Variants in TEX9 observed in about 807,000 individuals in gnomAD.
TEX9 encodes the protein testis-expressed protein 9.
TEX9 carries 74 observed loss-of-function variants against 59.6 expected under a neutral mutation model. The ratio of observed to expected loss-of-function variants is 1.24; its 90% CI spans 1.03 to 1.51. The LOEUF is 1.51. Ranked by LOEUF, TEX9 falls within the 40% of genes most tolerant of loss-of-function variation. TEX9 has a pLI of 0.00. For synonymous variants in TEX9, 186 were observed against 152.2 expected, an observed-to-expected ratio of 1.22 and a Z score of -1.64; for missense variants, 522 against 447.8, an observed-to-expected ratio of 1.17 and a Z score of -1.49.
chr15:56,297,697 G>A (rs2045249578), intron 1 of TEX9, among the ~76,000 whole-genome samples: 1 of 152,132 alleles, frequency 6.6e-6, no homozygotes, highest in Non-Finnish European at 1.5e-5. Context: ...TGGAGACAGA[G>A]TTTTACCATG....
chr15:56,394,215 T>C (rs565639097), exon 8 of TEX9: 1 of 1,608,772 alleles, frequency 6.2e-7, no homozygotes, highest in South Asian at 1.1e-5. Flanking sequence ...GCAGGAGGAA[T>C]TGGATAATGT....
chr15:56,431,502 G>C (rs2050595204), intron 12 of TEX9: 1 of 1,613,300 alleles, frequency 6.2e-7, no homozygotes, highest in Non-Finnish European at 8.5e-7. Context: ...CACGTTGCTG[G>C]AAATGCAGAT....
At chr15:56,340,472 G>A (rs1225447886) in intron 1 of TEX9, among the ~76,000 whole-genome samples, 2 of 151,988 alleles carry the variant, frequency 1.3e-5, no homozygotes, top group East Asian at 3.9e-4. Context: ...TTAGTTAACT[G>A]TTGAATTTTC....
Position 56,432,645 on chromosome 15 carries a change from T to C in TEX9, c.*29+4172T>C, listed in dbSNP as rs1346079352. Among the ~76,000 whole-genome samples, 3 of 152,326 alleles carry C rather than the reference T, an allele frequency of 2.0e-5. 1 individual carries two copies. In the East Asian group the frequency reaches 5.8e-4, roughly 29 times the overall value. ...AGTATCTATGCATTAGGTGGCTTTATCTGATTTCCATTTAGTTTTTAGTCT... is the reference window on the plus strand; with the variant it reads ...AGTATCTATGCATTAGGTGGCTTTACCTGATTTCCATTTAGTTTTTAGTCT... On this transcript the variant is annotated intron_variant, in intron 12 of 12. Transcript: ENST00000352903.
chr15:56,336,343 T>G (rs1157547356), intron 1 of TEX9, among the ~76,000 whole-genome samples: 2 of 152,082 alleles, frequency 1.3e-5, no homozygotes, highest in African/African-American at 4.8e-5. Context: ...GTCACAAGGG[T>G]GGTCCCTGCA....
At chr15:56,449,516 A>G (rs1351899525), downstream of TEX9, among the ~76,000 whole-genome samples, 1 of 152,180 alleles carries the variant, frequency 6.6e-6, no homozygotes, top group Non-Finnish European at 1.5e-5. Context: ...AATATTTCAG[A>G]TTACAGGAGC....
At chr15:56,345,087 A>G (rs1293109254) in intron 1 of TEX9, among the ~76,000 whole-genome samples, 2 of 138,956 alleles carry the variant, frequency 1.4e-5, no homozygotes, top group Non-Finnish European at 3.2e-5. Flanking sequence ...GTATATATAT[A>G]TATGTATATA....
chr15:56,294,491 C>G (rs188705790), intron 1 of TEX9, among the ~76,000 whole-genome samples: 1 of 152,290 alleles, frequency 6.6e-6, no homozygotes, highest in Non-Finnish European at 1.5e-5. Context: ...ATTTACATCT[C>G]CTGTACTGTT....
chr15:56,413,460 G>T (rs555533897), intron 10 of TEX9, among the ~76,000 whole-genome samples: 66 of 151,130 alleles, frequency 4.4e-4, no homozygotes, highest in Non-Finnish European at 8.4e-4. Context: ...GTTCAGTAGT[G>T]TAACATAGAT....
At chr15:56,441,752 C>T (rs2050817634) in intron 12 of TEX9, among the ~76,000 whole-genome samples, 1 of 152,180 alleles carries the variant, frequency 6.6e-6, no homozygotes, top group African/African-American at 2.4e-5. Flanking sequence ...CGGTGGCTCA[C>T]ACCTCTAATC....
At chr15:56,273,914 A>T (rs1448532384) in intron 1 of TEX9, among the ~76,000 whole-genome samples, 9 of 151,978 alleles carry the variant, frequency 5.9e-5, no homozygotes, top group Non-Finnish European at 1.0e-4. Context: ...AGGTGGTTTT[A>T]TTTTTGTTGC....
At chr15:56,267,675 T>C (rs1280012883) in intron 1 of TEX9, among the ~76,000 whole-genome samples, 1 of 152,126 alleles carries the variant, frequency 6.6e-6, no homozygotes, top group Non-Finnish European at 1.5e-5. Flanking sequence ...CTGTTCTGTT[T>C]CATTGATCTC....
intron 1 of TEX9, among the ~76,000 whole-genome samples, chr15:56,309,724 T>TTTTTTTTA (rs2045566144): frequency 2.0e-5 from 2 of 100,690 alleles, no homozygotes; most frequent in Non-Finnish European, 2.0e-5. Context: ...TTTTTTTTTT[T>TTTTTTTTA]AAAGCAGTGA....
At chr15:56,373,144 A>G (rs2047267087) in intron 2 of TEX9, among the ~76,000 whole-genome samples, 1 of 152,208 alleles carries the variant, frequency 6.6e-6, no homozygotes, top group South Asian at 2.1e-4. Flanking sequence ...TGAGTGGAAC[A>G]GAGTTGAACT....
intron 3 of TEX9, among the ~76,000 whole-genome samples, chr15:56,376,274 G>A (rs763808229): frequency 2.6e-5 from 4 of 152,004 alleles, no homozygotes; most frequent in African/African-American, 4.8e-5. Context: ...GGACCTATAC[G>A]CAGCAGTGGG....
At chr15:56,383,776 T>G (rs2047839017) in intron 3 of TEX9, among the ~76,000 whole-genome samples, 176 bp from the exon 4 acceptor site, 1 of 152,198 alleles carries the variant, frequency 6.6e-6, no homozygotes, top group Admixed American at 6.5e-5. Context: ...AAATGAAAGG[T>G]GCAACTAGTG....
At chr15:56,401,330 A>AAAAAAAAAAAAAAAAAAAAAAT (rs2048768011) in intron 9 of TEX9, among the ~76,000 whole-genome samples, 1 of 146,098 alleles carries the variant, frequency 6.8e-6, no homozygotes, top group Admixed American at 6.9e-5. Flanking sequence ...AAAAAAAAAA[A>AAAAAAAAAAAAAAAAAAAAAAT]AACAGGGGTT....
At chr15:56,377,116 G>C (rs2047494528) in intron 3 of TEX9, among the ~76,000 whole-genome samples, 1 of 152,090 alleles carries the variant, frequency 6.6e-6, no homozygotes, top group Non-Finnish European at 1.5e-5. Flanking sequence ...TGGTCTGTGT[G>C]TCTGTTTTTA....
chr15:56,302,663 AC>A (rs1477272326), intron 1 of TEX9, among the ~76,000 whole-genome samples: 1 of 152,204 alleles, frequency 6.6e-6, no homozygotes, highest in Non-Finnish European at 1.5e-5. Context: ...CTACAAAACA[AC>A]CAGATAACAA....
Sources: gnomAD v4.1 joint callset for allele counts (sites outside exome capture counted in the v4.1 genomes callset) on GRCh38, gnomAD v4.1.1 for gene constraint, MANE v1.5 for transcripts, NCBI Gene and HGNC (gene_info 2026-07-23, HGNC 2026-07-21) for gene names.